Variants in NLRP1 observed in about 807,000 individuals in gnomAD.
NLRP1 encodes the protein NACHT, LRR and PYD domains-containing protein 1.
In NLRP1, 94 loss-of-function variants were observed where a neutral mutation model predicts 136.7. The observed-to-expected ratio is 0.69, with a 90% confidence interval of 0.58 to 0.82. The LOEUF (loss-of-function observed/expected upper bound fraction) is 0.82, where lower values mean the gene tolerates loss of function less well. Ranked by LOEUF, NLRP1 falls within the 40% of genes least tolerant of loss-of-function variation. The pLI is 0.00. For synonymous variants in NLRP1, 690 were observed against 725.1 expected (o/e 0.95, Z 0.78); for missense variants, 1,575 against 1,802.7 (o/e 0.87, Z 2.29).
Position 5,516,441 on chromosome 17 carries a change from C to A in NLRP1, c.4058-924G>T, listed in dbSNP as rs60857710. Among the ~76,000 whole-genome samples, 10 of 152,264 alleles carry A rather than the reference C, an allele frequency of 6.6e-5. No homozygotes were observed. In the East Asian group the frequency reaches 1.9e-3, roughly 29 times the overall value. On this transcript the variant is annotated intron_variant, in intron 15 of 16. Transcript: ENST00000572272. ...TCATCAGGAATGCTATGACCACAGT[C>A]TTTGAGAATCTAAATGGCTTTTTAG...
At chr17:5,556,889 G>C (rs1413422735) in intron 4 of NLRP1, among the ~76,000 whole-genome samples, 1 of 150,884 alleles carries the variant, frequency 6.6e-6, no homozygotes, top group Non-Finnish European at 1.5e-5. Context: ...CTCCCAAAGT[G>C]CTGGGATTAC....
rs1261697451 is a variant in NLRP1 at position 5,558,691 on chromosome 17, A to T, written c.2005T>A (p.Ser669Thr). 1 of 1,614,160 alleles carries T rather than the reference A, an allele frequency of 6.2e-7. No homozygotes were observed. The highest frequency in any genetic ancestry group is 8.5e-7 in the Non-Finnish European group (1 of 1,180,026). Residue 669 changes from serine to threonine, a missense_variant, in exon 4 of 17, where the codon TCA (serine) becomes ACA (threonine). Transcript: ENST00000572272. The stretch of plus-strand genomic sequence containing the variant: ...AGGCCCAATAGGAAACGTGTGGTTG[A>T]TGCCCCAAACAGGCCATGTATTCCA... ...AYGIHGLFGA[S>T]TTRFLLGLLS... is the part of the protein sequence containing the mutation.
At chr17:5,530,367 C>A (rs902806401) in intron 12 of NLRP1, 114 bp downstream of exon 12, 114 of 860,056 alleles carry the variant, frequency 1.3e-4, no homozygotes, top group Non-Finnish European at 2.0e-4. Context: ...CATAACCCCC[C>A]CTCGGCCCCT....
At chr17:5,569,232 T>C (rs1418098427) in intron 3 of NLRP1, among the ~76,000 whole-genome samples, 1 of 152,054 alleles carries the variant, frequency 6.6e-6, no homozygotes, top group Non-Finnish European at 1.5e-5. Context: ...TGCAAAATAA[T>C]CAGCTAACAA....
intron 15 of NLRP1, among the ~76,000 whole-genome samples, chr17:5,507,279 G>A (rs531533335): frequency 6.6e-6 from 1 of 152,042 alleles, no homozygotes; most frequent in East Asian, 1.9e-4. Flanking sequence ...TAACTGTGAG[G>A]ACATTTTGTT....
At chr17:5,553,311 C>T in intron 5 of NLRP1, 75 bp downstream of exon 5, 1 of 1,362,802 alleles carries the variant, frequency 7.3e-7, no homozygotes, top group Non-Finnish European at 1.0e-6. Context: ...AGACAAATCC[C>T]TCAGCCCAGA....
intron 11 of NLRP1, 96 bp from the exon 12 acceptor site, chr17:5,530,800 A>G: frequency 2.3e-6 from 2 of 874,442 alleles, no homozygotes; most frequent in Non-Finnish European, 3.7e-6. Flanking sequence ...GATACGGTAC[A>G]GTGGCTTCAA....
chr17:5,552,360 C>T (rs1249200772), intron 5 of NLRP1, among the ~76,000 whole-genome samples: 1 of 152,022 alleles, frequency 6.6e-6, no homozygotes, highest in Non-Finnish European at 1.5e-5. Context: ...AGAGAATATA[C>T]TTTGTATGAT....
rs200521082 is a variant in NLRP1 at position 5,553,562 on chromosome 17, G to A, written c.2358-6C>T. ...TGACTGGGACCCACCTGAACCTGAG[G>A]GGGAGAGAGAAGGACAGGAGAGATG... is the stretch of plus-strand genomic sequence containing the variant. On this transcript the variant is annotated splice_region_variant and splice_polypyrimidine_tract_variant and intron_variant, in intron 4 of 16. Transcript: ENST00000572272. 1 of 1,612,902 alleles carries A rather than the reference G, an allele frequency of 6.2e-7. No homozygotes were observed. Among genetic ancestry groups the A allele is most frequent in the Non-Finnish European group, 8.5e-7 (1 of 1,179,196 alleles).
rs1221678333 is a variant in NLRP1 at position 5,582,717 on chromosome 17, C to G, written c.401G>C (p.Arg134Thr). The G allele has an allele frequency of 1.2e-6, 2 of 1,614,200 alleles. No individual in the cohort carries two copies. Among genetic ancestry groups the G allele is most frequent in the South Asian group, 2.2e-5 (2 of 91,080 alleles). Residue 134 changes from arginine to threonine, a missense_variant, in exon 2 of 17, where the codon AGA becomes ACA. Physicochemically the swap from Arg to Thr is moderately conservative, Grantham distance 71 (BLOSUM62 -1). Coordinates refer to ENST00000572272, the MANE Select transcript of NLRP1 (RefSeq NM_033004.4). ...LPAGCTQGSE[R>T]RVLRQLPDTS... ...GTCAGGCAGCTGTCTCAAAACCCTT[C>G]TCTCTGAGCCCTGGGTGCACCCCGC...
At chr17:5,502,291 CTTTTT>C (rs35078343) in intron 15 of NLRP1, 33 of 154,744 alleles carry the variant, frequency 2.1e-4, no homozygotes, top group South Asian at 1.3e-3. Flanking sequence ...GGTGCAGTTC[CTTTTT>C]TTTTTTTTTT....
In NLRP1 at chr17:5,557,331, T is replaced by G. The variant is rs138339017; in HGVS notation, c.2357+1008A>C. ...ACATATCTTTTTTTTTTTCCTATAA[T>G]GAACATGAATTTTATTGTGAGAAAA... On this transcript the variant is annotated intron_variant, in intron 4 of 16. Transcript: ENST00000572272. 5.9e-5 allele frequency among the ~76,000 whole-genome samples: 9 copies of G among 152,128 alleles called. No homozygotes were observed. The East Asian group carries it at 1.5e-3, about 26-fold the overall frequency.
chr17:5,512,518 C>T (rs1907708710), downstream of NLRP1: 2 of 621,602 alleles, frequency 3.2e-6, no homozygotes, highest in East Asian at 2.6e-5. Context: ...TCTTACTTCC[C>T]ATTGACTGTC....
In NLRP1 at chr17:5,514,451, T is replaced by C; in HGVS notation, c.*303A>G. ...CCTCCTATTCCTCTTTGCGCCTGGA[T>C]GGGATCCGGAGGGCTCTAGGCTTGG... On this transcript the variant is annotated 3_prime_UTR_variant, in exon 17 of 17. Transcript: ENST00000572272. 1 of 1,222,970 alleles carries C rather than the reference T, an allele frequency of 8.2e-7. No homozygotes were observed. Among genetic ancestry groups the C allele is most frequent in the Non-Finnish European group, 1.0e-6 (1 of 970,338 alleles). The allele number at this position is 1,222,970 out of a possible 1,614,324, so 75.8% of individuals were successfully genotyped here. A position where few individuals can be genotyped will look rare whatever the true frequency, so the allele number is the denominator to read the frequency against.
chr17:5,532,146 C>T (rs758514129), intron 11 of NLRP1, among the ~76,000 whole-genome samples: 2 of 152,160 alleles, frequency 1.3e-5, no homozygotes, highest in African/African-American at 2.4e-5. Context: ...ACTAGAGAGG[C>T]TGAGGCTGGA....
chr17:5,515,032 C>T lies in NLRP1; in HGVS notation c.4144G>A (p.Val1382Met). ...ATCAGCTGCTCTCGATACTGGTCCA[C>T]AAAGTGCAGCAACTGCGGGGCATCC... is the stretch of plus-strand genomic sequence containing the variant. The part of the protein sequence containing the change: ...PLDAPQLLHF[V>M]DQYREQLIAR... The change falls in exon 17 of 17, where the codon GTG becomes ATG. Residue 1382 changes from valine to methionine, a missense_variant. Transcript: ENST00000572272. 1 of 1,614,200 alleles carries T rather than the reference C, an allele frequency of 6.2e-7. No individual in the cohort carries two copies. Among genetic ancestry groups the T allele is most frequent in the Non-Finnish European group, 8.5e-7 (1 of 1,180,040 alleles).
intron 3 of NLRP1, among the ~76,000 whole-genome samples, chr17:5,562,301 A>G (rs12938807): frequency 0.066 from 10,063 of 152,314 alleles, 428 homozygotes; most frequent in African/African-American, 0.11. Flanking sequence ...AGCAGGGAAG[A>G]GCCCTCATTC....
downstream of NLRP1, chr17:5,512,053 C>G: frequency 1.5e-6 from 1 of 681,432 alleles, no homozygotes; most frequent in Non-Finnish European, 2.7e-6. Context: ...AAAATTAACA[C>G]CTTTAGGTAT....
At chr17:5,505,264 C>A (rs1907277466) in intron 15 of NLRP1, 1 of 152,498 alleles carries the variant, frequency 6.6e-6, no homozygotes, top group African/African-American at 2.4e-5. Context: ...CAGCTGCCTG[C>A]CCCACCCTGA....
Sources: gnomAD v4.1 joint callset for allele counts (sites outside exome capture counted in the v4.1 genomes callset) on GRCh38, gnomAD v4.1.1 for gene constraint, MANE v1.5 for transcripts, NCBI Gene and HGNC (gene_info 2026-07-23, HGNC 2026-07-21) for gene names.